CTNNA3: variants seen among roughly 807,000 people sequenced by gnomAD.
CTNNA3 encodes the protein catenin alpha 3, also known as catenin alpha-3.
A neutral mutation model predicts 95.7 loss-of-function variants in CTNNA3; 76 were observed. That is an observed-to-expected ratio of 0.79 (90% CI 0.66 to 0.96). CTNNA3 has a LOEUF of 0.96. CTNNA3 is among the 40% of genes least tolerant of loss of function. CTNNA3 has a pLI of 0.00. For missense variants in CTNNA3, 1,191 were observed against 1,089.8 expected (o/e 1.09, Z -1.31); for synonymous variants, 431 against 374.4 (o/e 1.15, Z -1.74).
intron 13 of CTNNA3, among the ~76,000 whole-genome samples, chr10:66,182,502 G>A (rs562057291): frequency 2.6e-5 from 4 of 152,016 alleles, no homozygotes; most frequent in Admixed American, 6.5e-5. Flanking sequence ...TGATCCGCCC[G>A]CCTCGGCCTC....
chr10:66,204,728 A>T (rs1696542308), intron 13 of CTNNA3, among the ~76,000 whole-genome samples: 1 of 152,170 alleles, frequency 6.6e-6, no homozygotes, highest in Admixed American at 6.6e-5. Flanking sequence ...AATGGAATTT[A>T]TCAGTTTAAA....
chr10:66,645,406 C>G (rs766078384), intron 9 of CTNNA3, among the ~76,000 whole-genome samples: 1 of 152,078 alleles, frequency 6.6e-6, no homozygotes, highest in Non-Finnish European at 1.5e-5. Flanking sequence ...AGACTTCGTT[C>G]GGAACTCATT....
At chr10:67,750,299 G>A (rs1841398947) in intron 1 of CTNNA3, 25 of 1,523,432 alleles carry the variant, frequency 1.6e-5, no homozygotes, top group Non-Finnish European at 2.3e-5. Context: ...CATCTTTGTG[G>A]AGCTCAATAC....
chr10:67,634,624 G>C (rs1839247113), intron 2 of CTNNA3, among the ~76,000 whole-genome samples: 1 of 152,128 alleles, frequency 6.6e-6, no homozygotes, highest in African/African-American at 2.4e-5. Context: ...ATAAAGGGAT[G>C]GAGGAAAATT....
intron 17 of CTNNA3, among the ~76,000 whole-genome samples, chr10:65,939,212 A>C (rs2077390369): frequency 6.6e-6 from 1 of 152,088 alleles, no homozygotes. Context: ...GCCTAGAAAG[A>C]GCTTTTCAGC....
intron 7 of CTNNA3, among the ~76,000 whole-genome samples, chr10:66,814,942 C>T (rs1842017493): frequency 6.6e-6 from 1 of 150,412 alleles, no homozygotes; most frequent in African/African-American, 2.5e-5. Context: ...ACCTCCACCT[C>T]CTGGGTTCAA....
chr10:66,101,348 C>G (rs1426323593), intron 14 of CTNNA3, among the ~76,000 whole-genome samples: 2 of 152,180 alleles, frequency 1.3e-5, no homozygotes, highest in Non-Finnish European at 2.9e-5. Flanking sequence ...CAAATACTAT[C>G]TGTCTGGCTA....
In CTNNA3 at chr10:66,773,840, T is replaced by C. The variant is rs1392184381; in HGVS notation, c.1128+1604A>G. Among the ~76,000 whole-genome samples, 4 of 152,194 alleles carry C rather than the reference T, an allele frequency of 2.6e-5. No homozygotes were observed. The East Asian group carries it at 7.7e-4, about 29-fold the overall frequency. On this transcript the variant is annotated intron_variant, in intron 8 of 17. Transcript: ENST00000433211. ...CAATGCTATTTCTATATCTCACTGA[T>C]GGTAGTGAGGTGGAAATACAAGTAG...
chr10:66,517,517 C>A (rs1840906509), intron 11 of CTNNA3, among the ~76,000 whole-genome samples: 1 of 151,988 alleles, frequency 6.6e-6, no homozygotes, highest in African/African-American at 2.4e-5. Context: ...TGCCATCAGC[C>A]CCATGACAAT....
chr10:67,399,274 G>A (rs987833011), intron 5 of CTNNA3, among the ~76,000 whole-genome samples: 11 of 152,070 alleles, frequency 7.2e-5, no homozygotes, highest in African/African-American at 2.7e-4. Context: ...AACTATAAAC[G>A]AATTTGTTAG....
At chr10:66,219,440 T>C (rs2088779677) in intron 13 of CTNNA3, among the ~76,000 whole-genome samples, 1 of 152,170 alleles carries the variant, frequency 6.6e-6, no homozygotes, top group African/African-American at 2.4e-5. Context: ...AGTAATAGTA[T>C]AGTGTGTCAC....
At chr10:66,594,641 A>G (rs1193374628) in intron 10 of CTNNA3, among the ~76,000 whole-genome samples, 2 of 152,154 alleles carry the variant, frequency 1.3e-5, no homozygotes, top group Non-Finnish European at 2.9e-5. Flanking sequence ...TAAAACTGTC[A>G]ATTCAAATGT....
intron 3 of CTNNA3, among the ~76,000 whole-genome samples, chr10:67,606,571 A>G (rs1327993044): frequency 1.3e-5 from 2 of 152,166 alleles, no homozygotes; most frequent in African/African-American, 4.8e-5. Context: ...TTCTAAGACC[A>G]AAAAAGGGTA....
intron 14 of CTNNA3, among the ~76,000 whole-genome samples, chr10:66,080,410 T>G (rs562127642): frequency 6.6e-6 from 1 of 152,268 alleles, no homozygotes; most frequent in East Asian, 1.9e-4. Flanking sequence ...AAATCACTTA[T>G]ATATGTCATT....
chr10:67,714,944 C>T (rs1841134037), intron 1 of CTNNA3, among the ~76,000 whole-genome samples: 1 of 152,158 alleles, frequency 6.6e-6, no homozygotes, highest in South Asian at 2.1e-4. Flanking sequence ...GTGAGGCCTC[C>T]CCAGCCATAT....
At chr10:65,980,382 CA>C (rs891668082) in intron 16 of CTNNA3, among the ~76,000 whole-genome samples, 1 of 151,934 alleles carries the variant, frequency 6.6e-6, no homozygotes, top group Non-Finnish European at 1.5e-5. Context: ...GACAAATTCA[CA>C]GCTGAATTCT....
At position 67,354,547 on chromosome 10, in the gene CTNNA3, T is replaced by A. The variant is rs542114741; in HGVS notation, c.580-134677A>T. On this transcript the variant is annotated intron_variant, in intron 5 of 17. Coordinates refer to ENST00000433211, the MANE Select transcript of CTNNA3 (RefSeq NM_013266.4). ...ATCTCATTGCTGTAGATTTAAAGGTTTTCCGGTGGTAGGAAGCCAAAAGGC... is the reference window on the plus strand; with the variant it reads ...ATCTCATTGCTGTAGATTTAAAGGTATTCCGGTGGTAGGAAGCCAAAAGGC... Among the ~76,000 whole-genome samples, 4 of 151,988 alleles carry A rather than the reference T, an allele frequency of 2.6e-5. No homozygotes were observed. In the South Asian group the frequency reaches 8.3e-4, roughly 32 times the overall value.
At chr10:65,952,334 C>T (rs941974860) in intron 17 of CTNNA3, among the ~76,000 whole-genome samples, 14 of 152,042 alleles carry the variant, frequency 9.2e-5, no homozygotes, top group African/African-American at 2.4e-5. Flanking sequence ...TTCCATGTAC[C>T]TCCTGCTTAA....
chr10:67,345,273 T>C (rs1406256259), intron 5 of CTNNA3, among the ~76,000 whole-genome samples: 1 of 152,164 alleles, frequency 6.6e-6, no homozygotes, highest in Non-Finnish European at 1.5e-5. Context: ...GGTCTATCCT[T>C]GAGAATAATC....
Sources: allele counts gnomAD v4.1 joint callset (sites outside exome capture counted in the v4.1 genomes callset), GRCh38; gene constraint gnomAD v4.1.1; transcripts MANE v1.5; gene names NCBI Gene and HGNC (gene_info 2026-07-23, HGNC 2026-07-21).